Variants in ZNF362 observed in about 807,000 individuals in gnomAD.
ZNF362 encodes zinc finger protein 362.
ZNF362 carries 11 observed loss-of-function variants against 42.9 expected under a neutral mutation model. That is an observed-to-expected ratio of 0.26 (90% confidence interval 0.16 to 0.42). The LOEUF (loss-of-function observed/expected upper bound fraction) is 0.42, where lower values mean the gene tolerates loss of function less well. ZNF362 is among the 20% of genes least tolerant of loss of function. ZNF362 has a pLI of 1.00. For missense variants in ZNF362, 362 were observed against 576.2 expected, an observed-to-expected ratio of 0.63 and a Z score of 3.81; for synonymous variants, 255 against 257.3, an observed-to-expected ratio of 0.99 and a Z score of 0.09.
At chr1:33,187,375 A>C in the ZNF362 span, among the ~76,000 whole-genome samples, 2 of 152,202 alleles carry the variant, frequency 1.3e-5, no homozygotes, top group Admixed American at 1.3e-4. Flanking sequence ...TGCTCAGATA[A>C]ACTTGCATTC....
At chr1:33,179,078 C>A in the ZNF362 span, among the ~76,000 whole-genome samples, 1 of 152,226 alleles carries the variant, frequency 6.6e-6, no homozygotes, top group Admixed American at 6.5e-5. Flanking sequence ...CTTCTCCAGG[C>A]CTCACTTTCC....
chr1:33,173,859 G>A, the ZNF362 span, among the ~76,000 whole-genome samples: 1 of 151,534 alleles, frequency 6.6e-6, no homozygotes, highest in Admixed American at 6.6e-5. Flanking sequence ...ATCATGCCTG[G>A]ATAATTTTTA....
At chr1:33,176,410 G>C in the ZNF362 span, 1 of 696,736 alleles carries the variant, frequency 1.4e-6, no homozygotes, top group South Asian at 1.5e-5. Context: ...CTGCCTACCA[G>C]GGCTTGCGTC....
chr1:33,189,655 A>ATATATATATATATATATG, the ZNF362 span, among the ~76,000 whole-genome samples: 5 of 23,300 alleles, frequency 2.1e-4, no homozygotes, highest in African/African-American at 4.0e-4. Context: ...ATATATATAT[A>ATATATATATATATATATG]TATATATATA....
intron 2 of ZNF362, among the ~76,000 whole-genome samples, chr1:33,271,253 G>T (rs1237079496): frequency 6.6e-6 from 1 of 152,182 alleles, no homozygotes; most frequent in Non-Finnish European, 1.5e-5. Flanking sequence ...AGGCAACACC[G>T]AACGCTCGTG....
chr1:33,133,071 G>A, the ZNF362 span, among the ~76,000 whole-genome samples: 1 of 152,238 alleles, frequency 6.6e-6, no homozygotes, highest in Non-Finnish European at 1.5e-5. Flanking sequence ...GCCCCATCAG[G>A]CCCAGTGGGT....
chr1:33,140,859 A>G, the ZNF362 span, among the ~76,000 whole-genome samples: 3 of 152,188 alleles, frequency 2.0e-5, no homozygotes, highest in Non-Finnish European at 1.5e-5. The surrounding 1 kb of genome is among the most constrained non-coding windows in gnomAD (Gnocchi z 4.0). Flanking sequence ...GGGTTGTTGG[A>G]ACCCTCCTCT....
the ZNF362 span, among the ~76,000 whole-genome samples, chr1:33,244,930 T>A: frequency 6.6e-6 from 1 of 152,210 alleles, no homozygotes; most frequent in African/African-American, 2.4e-5. This position sits in a 1 kb window ranked among gnomAD's most constrained non-coding sequence, Gnocchi z 4.0. Flanking sequence ...GGGATTCCTG[T>A]CATTCTACAA....
At chr1:33,279,489 T>TA (rs1464518031) in intron 4 of ZNF362, among the ~76,000 whole-genome samples, 174 of 147,078 alleles carry the variant, frequency 1.2e-3, no homozygotes, top group Admixed American at 3.2e-3. Flanking sequence ...TTTTTTTTTT[T>TA]TAAAAAAACA....
At chr1:33,165,372 C>A in the ZNF362 span, 1 of 1,153,588 alleles carries the variant, frequency 8.7e-7, no homozygotes, top group East Asian at 2.7e-5. This position sits in a 1 kb window ranked among gnomAD's most constrained non-coding sequence, Gnocchi z 4.0. Flanking sequence ...GTTTCCACCG[C>A]ACACCCGAGG....
the ZNF362 span, among the ~76,000 whole-genome samples, chr1:33,149,155 T>C: frequency 6.6e-6 from 1 of 152,204 alleles, no homozygotes. Context: ...CTCTTCTTTT[T>C]CTTATTTATT....
Position 33,280,938 on chromosome 1 carries a change from G to A in ZNF362, c.683+481G>A, listed in dbSNP as rs1645989050. 6.6e-6 allele frequency among the ~76,000 whole-genome samples: 1 copy of A among 152,130 alleles called. No individual in the cohort carries two copies. The highest frequency in any genetic ancestry group is 1.5e-5 in the Non-Finnish European group (1 of 68,006). ...ACAAAAGTTAGCCGGGCATGGTGGT[G>A]CGCCCCTGTAATCCTAGCTACTCAG... On this transcript the variant is annotated intron_variant, in intron 5 of 8. Transcript: ENST00000539719. This position sits in a 1 kb window ranked among gnomAD's most constrained non-coding sequence, Gnocchi z 5.6.
At chr1:33,174,140 C>T in the ZNF362 span, among the ~76,000 whole-genome samples, 1 of 150,210 alleles carries the variant, frequency 6.7e-6, no homozygotes, top group African/African-American at 2.5e-5. Context: ...CCTTCTTCTC[C>T]CTTCTCCCTT....
chr1:33,265,114 C>A (rs1386443327), intron 1 of ZNF362, among the ~76,000 whole-genome samples: 1 of 151,438 alleles, frequency 6.6e-6, no homozygotes, highest in Non-Finnish European at 1.5e-5. Context: ...AAGGAGTTCC[C>A]TGTGGGGATA....
At chr1:33,146,073 A>T in the ZNF362 span, 1 of 352,710 alleles carries the variant, frequency 2.8e-6, no homozygotes, top group Non-Finnish European at 5.7e-6. Flanking sequence ...CTTCCTGCAG[A>T]TGGGGGCAGC....
intron 1 of ZNF362, among the ~76,000 whole-genome samples, chr1:33,257,387 A>G (rs1369872904): frequency 6.7e-6 from 1 of 149,842 alleles, no homozygotes; most frequent in Non-Finnish European, 1.5e-5. Context: ...GTTAACTCCG[A>G]AAGTTTGCTT....
chr1:33,152,869 G>C, the ZNF362 span, among the ~76,000 whole-genome samples: 11 of 152,292 alleles, frequency 7.2e-5, no homozygotes, highest in East Asian at 1.5e-3. Context: ...AGCCCAGGAT[G>C]GGGAGAAGGC....
chr1:33,241,605 T>A, the ZNF362 span, among the ~76,000 whole-genome samples: 5 of 152,162 alleles, frequency 3.3e-5, no homozygotes, highest in African/African-American at 1.2e-4. Context: ...AAGACTGGTG[T>A]ATAGAAATCA....
rs533196570 is a variant in ZNF362, at chr1:33,300,621, T to G, written c.*1575T>G. ...GTGGGGAGCAAATGAAAATCAAATG[T>G]GGGGGGAAAACACTAAAGGGGGCAA... On this transcript the variant is annotated 3_prime_UTR_variant, in exon 9 of 9. Transcript: ENST00000539719. 1 of 151,414 alleles carries G rather than the reference T, an allele frequency of 6.6e-6. No individual in the cohort carries two copies. The highest frequency in any genetic ancestry group is 6.6e-5 in the Admixed American group (1 of 15,196). 9.4% of individuals were successfully genotyped at this position (151,414 alleles called of 1,614,324 possible). A position where few individuals can be genotyped will look rare whatever the true frequency, so the allele number is the denominator to read the frequency against.
Sources: gnomAD v4.1 joint callset for allele counts (sites outside exome capture counted in the v4.1 genomes callset) on GRCh38, gnomAD v4.1.1 for gene constraint, Gnocchi (gnomAD v3.1) non-coding constraint, MANE v1.5 for transcripts, NCBI Gene and HGNC (gene_info 2026-07-23, HGNC 2026-07-21) for gene names.